Variants in NRXN1 observed in about 807,000 individuals in gnomAD.
NRXN1 encodes the protein neurexin-1.
Under a neutral mutation model 150.9 loss-of-function variants are expected in NRXN1, and 39 were observed. The observed-to-expected ratio is 0.26, with a 90% CI of 0.20 to 0.34. The LOEUF (loss-of-function observed/expected upper bound fraction) is 0.34. Among genes scored for constraint, NRXN1 ranks in the 10% least tolerant of loss-of-function variants. NRXN1 has a pLI of 1.00. For missense variants in NRXN1, 1,815 were observed against 1,949.9 expected, an observed-to-expected ratio of 0.93 and a Z score of 1.30; for synonymous variants, 924 against 757.0, an observed-to-expected ratio of 1.22 and a Z score of -3.62.
At chr2:50,052,306 A>G (rs893077982) in intron 21 of NRXN1, among the ~76,000 whole-genome samples, 4 of 152,140 alleles carry the variant, frequency 2.6e-5, no homozygotes, top group African/African-American at 9.6e-5. Context: ...CCTACTGAAT[A>G]TACTCACTAT....
chr2:50,478,867 A>G (rs2104764427), intron 15 of NRXN1, among the ~76,000 whole-genome samples: 1 of 152,294 alleles, frequency 6.6e-6, no homozygotes, highest in East Asian at 1.9e-4. Context: ...CAAGGGGTGA[A>G]TGACTCAACT....
chr2:50,945,724 T>C (rs1397908528), intron 2 of NRXN1, among the ~76,000 whole-genome samples: 1 of 151,490 alleles, frequency 6.6e-6, no homozygotes, highest in Non-Finnish European at 1.5e-5. Context: ...GGCACTGAAA[T>C]ATAAACCTGA....
At chr2:50,097,281 C>A (rs111421139) in intron 18 of NRXN1, among the ~76,000 whole-genome samples, 2 of 152,190 alleles carry the variant, frequency 1.3e-5, no homozygotes, top group African/African-American at 4.8e-5. Flanking sequence ...GCCCTGTTTA[C>A]GTTCTGTAAA....
At chr2:50,847,837 C>T (rs1337769040) in intron 5 of NRXN1, among the ~76,000 whole-genome samples, 1 of 152,070 alleles carries the variant, frequency 6.6e-6, no homozygotes, top group East Asian at 1.9e-4. Context: ...TTGGCTGGAG[C>T]GACCAGAGAA....
intron 17 of NRXN1, among the ~76,000 whole-genome samples, chr2:50,284,495 A>C (rs192950919): frequency 3.9e-5 from 6 of 152,306 alleles, no homozygotes; most frequent in Admixed American, 3.3e-4. Context: ...GGATTCTTTT[A>C]ATAATGGCTG....
chr2:50,705,140 T>G (rs999225955), intron 5 of NRXN1, among the ~76,000 whole-genome samples: 7 of 151,768 alleles, frequency 4.6e-5, no homozygotes, highest in Non-Finnish European at 8.8e-5. Flanking sequence ...GAATTAATAA[T>G]TATCTAGTTT....
At chr2:50,699,614 C>A (rs1030773455) in intron 5 of NRXN1, among the ~76,000 whole-genome samples, 1 of 151,978 alleles carries the variant, frequency 6.6e-6, no homozygotes, top group African/African-American at 2.4e-5. Flanking sequence ...TGACAGCCAA[C>A]AAGGAAACTG....
chr2:50,472,223 T>G (rs2089547056), intron 16 of NRXN1, 75 bp downstream of exon 16: 4 of 1,278,346 alleles, frequency 3.1e-6, no homozygotes, highest in Non-Finnish European at 4.1e-6. Flanking sequence ...AGAATTTTGC[T>G]GGACAGTGAG....
chr2:50,173,807 TA>T (rs2060174676), intron 18 of NRXN1, among the ~76,000 whole-genome samples: 1 of 152,100 alleles, frequency 6.6e-6, no homozygotes, highest in Non-Finnish European at 1.5e-5. Flanking sequence ...AAATTAATGT[TA>T]AAAAAAGGTC....
At chr2:50,498,785 T>C (rs1302244929) in intron 13 of NRXN1, among the ~76,000 whole-genome samples, 1 of 152,244 alleles carries the variant, frequency 6.6e-6, no homozygotes, top group Non-Finnish European at 1.5e-5. Context: ...ATCTTGCTCT[T>C]GTCTAAATAA....
intron 5 of NRXN1, among the ~76,000 whole-genome samples, chr2:50,807,986 C>T (rs1667728047): frequency 6.6e-6 from 1 of 151,918 alleles, no homozygotes; most frequent in African/African-American, 2.4e-5. Context: ...CAATAAAGTC[C>T]ACATCTCTGA....
At chr2:50,571,785 A>T (rs1670702964) in intron 8 of NRXN1, among the ~76,000 whole-genome samples, 1 of 152,192 alleles carries the variant, frequency 6.6e-6, no homozygotes, top group Admixed American at 6.5e-5. Flanking sequence ...CACAGAGAAA[A>T]GAAAACCATT....
At chr2:50,714,022 T>C (rs966768857) in intron 5 of NRXN1, among the ~76,000 whole-genome samples, 5 of 152,152 alleles carry the variant, frequency 3.3e-5, no homozygotes, top group African/African-American at 9.7e-5. Flanking sequence ...ATGACCAATA[T>C]CTAACAATAA....
intron 21 of NRXN1, among the ~76,000 whole-genome samples, chr2:50,038,363 C>A (rs2152574274): frequency 6.6e-6 from 1 of 152,258 alleles, no homozygotes; most frequent in Non-Finnish European, 1.5e-5. Context: ...CTATCCTGGG[C>A]TTTCTCTCTC....
intron 18 of NRXN1, among the ~76,000 whole-genome samples, chr2:50,156,937 A>C (rs1042605260): frequency 6.6e-6 from 1 of 152,024 alleles, no homozygotes; most frequent in African/African-American, 2.4e-5. Flanking sequence ...CTAAAAGAAC[A>C]ATAACAACTA....
At chr2:50,924,327 A>G (rs906469329) in intron 3 of NRXN1, among the ~76,000 whole-genome samples, 8 of 151,758 alleles carry the variant, frequency 5.3e-5, no homozygotes, top group African/African-American at 1.9e-4. Flanking sequence ...TATTAAAATT[A>G]TGATTGAACA....
chr2:50,113,369 T>G (rs1311804359), intron 18 of NRXN1, among the ~76,000 whole-genome samples: 1 of 152,222 alleles, frequency 6.6e-6, no homozygotes, highest in Non-Finnish European at 1.5e-5. Context: ...CATGTCAAAT[T>G]GACCTCTGGC....
At chr2:50,445,187 C>T (rs2086291798) in intron 17 of NRXN1, among the ~76,000 whole-genome samples, 1 of 152,016 alleles carries the variant, frequency 6.6e-6, no homozygotes, top group East Asian at 1.9e-4. Context: ...CCCGCAATAC[C>T]CCACATAACC....
chr2:50,663,355 T>C (rs1430978562), intron 5 of NRXN1, among the ~76,000 whole-genome samples: 1 of 152,026 alleles, frequency 6.6e-6, no homozygotes, highest in Non-Finnish European at 1.5e-5. Context: ...ACCTTCGGAC[T>C]CTCCTTTGTG....
Sources: gnomAD v4.1 joint callset for allele counts (sites outside exome capture counted in the v4.1 genomes callset) on GRCh38, gnomAD v4.1.1 for gene constraint, MANE v1.5 for transcripts, NCBI Gene and HGNC (gene_info 2026-07-23, HGNC 2026-07-21) for gene names.